Variants in KHDRBS2 observed in about 807,000 individuals in gnomAD.
KHDRBS2 encodes KH domain-containing, RNA-binding, signal transduction-associated protein 2.
Under a neutral mutation model 44.3 loss-of-function variants are expected in KHDRBS2, and 26 were observed. That is an observed-to-expected ratio of 0.59 (90% CI 0.43 to 0.81). The LOEUF (loss-of-function observed/expected upper bound fraction) is 0.81. Ranked by LOEUF, KHDRBS2 falls within the 40% of genes least tolerant of loss-of-function variation. The pLI, the probability that KHDRBS2 is intolerant of heterozygous loss-of-function variation, is 0.00. For synonymous variants in KHDRBS2, 194 were observed against 151.1 expected, an observed-to-expected ratio of 1.28 and a Z score of -2.08; for missense variants, 476 against 433.1, an observed-to-expected ratio of 1.10 and a Z score of -0.88.
At chr6:62,025,631 AT>A (rs199716609) in intron 3 of KHDRBS2, among the ~76,000 whole-genome samples, 7 of 151,656 alleles carry the variant, frequency 4.6e-5, no homozygotes, top group African/African-American at 9.7e-5. Context: ...GATTTTTCCA[AT>A]TTTTTTTAAT....
At chr6:62,211,568 GTGA>G (rs1829049048) in intron 1 of KHDRBS2, among the ~76,000 whole-genome samples, 2 of 152,150 alleles carry the variant, frequency 1.3e-5, no homozygotes, top group Admixed American at 6.5e-5. Flanking sequence ...CTAATTACTT[GTGA>G]TGATGATATT....
chr6:61,862,552 C>T (rs944273877), intron 6 of KHDRBS2, among the ~76,000 whole-genome samples: 7 of 151,986 alleles, frequency 4.6e-5, no homozygotes, highest in African/African-American at 1.5e-4. Flanking sequence ...TTACTGAAGG[C>T]CTTTTCTATA....
At chr6:61,858,550 C>T (rs1796470078) in intron 6 of KHDRBS2, among the ~76,000 whole-genome samples, 2 of 151,862 alleles carry the variant, frequency 1.3e-5, no homozygotes, top group African/African-American at 4.8e-5. Flanking sequence ...TAATTTATTG[C>T]AATATAAGAT....
At chr6:62,086,069 C>A (rs1162430293) in intron 2 of KHDRBS2, among the ~76,000 whole-genome samples, 1 of 152,106 alleles carries the variant, frequency 6.6e-6, no homozygotes. Flanking sequence ...CGTACATCAA[C>A]AATTCAACTG....
At position 61,758,648 on chromosome 6, in the gene KHDRBS2, C is replaced by G. The variant is rs538780970; in HGVS notation, c.811-25884G>C. On this transcript the variant is annotated intron_variant, in intron 6 of 8. Coordinates refer to ENST00000281156, the MANE Select transcript of KHDRBS2 (RefSeq NM_152688.4). ...TTATAATTGTACCAAATATGGCCCACAAGAGTACATAACTTTTCCAAAAAT... is the reference window on the plus strand; with the variant it reads ...TTATAATTGTACCAAATATGGCCCAGAAGAGTACATAACTTTTCCAAAAAT... Among the ~76,000 whole-genome samples, 15 of 152,064 alleles carry G rather than the reference C, an allele frequency of 9.9e-5. 1 individual carries two copies. Among genetic ancestry groups the G allele is most frequent in the African/African-American group, 3.4e-4 (14 of 41,492 alleles).
At chr6:62,033,403 G>A (rs1443333339) in intron 3 of KHDRBS2, among the ~76,000 whole-genome samples, 1 of 151,776 alleles carries the variant, frequency 6.6e-6, no homozygotes, top group Non-Finnish European at 1.5e-5. Flanking sequence ...AAGACTACCT[G>A]AAGGCATTTA....
At chr6:61,772,648 A>G (rs1466415886) in intron 6 of KHDRBS2, among the ~76,000 whole-genome samples, 1 of 151,972 alleles carries the variant, frequency 6.6e-6, no homozygotes, top group African/African-American at 2.4e-5. Context: ...ATTTTATTTT[A>G]TTTTATTATA....
intron 2 of KHDRBS2, among the ~76,000 whole-genome samples, chr6:62,081,089 G>C (rs1305645766): frequency 6.6e-6 from 1 of 152,018 alleles, no homozygotes; most frequent in Non-Finnish European, 1.5e-5. Context: ...ACCTTTGAAT[G>C]TGTCCTATTT....
chr6:61,568,732 G>C, the KHDRBS2 span, among the ~76,000 whole-genome samples: 2 of 152,164 alleles, frequency 1.3e-5, no homozygotes, highest in Non-Finnish European at 2.9e-5. Flanking sequence ...AGTAGAAGCA[G>C]CAGTGGAAAG....
chr6:61,771,571 A>C (rs1207461426), intron 6 of KHDRBS2, among the ~76,000 whole-genome samples: 1 of 152,208 alleles, frequency 6.6e-6, no homozygotes, highest in Non-Finnish European at 1.5e-5. Flanking sequence ...AAACCACCAA[A>C]GATCAAAAGA....
chr6:61,601,352 T>A, the KHDRBS2 span, among the ~76,000 whole-genome samples: 1 of 151,918 alleles, frequency 6.6e-6, no homozygotes, highest in Non-Finnish European at 1.5e-5. Flanking sequence ...CTCCTTCTTC[T>A]CCCTTAGCCT....
chr6:61,937,904 A>T (rs1811338328), intron 4 of KHDRBS2, among the ~76,000 whole-genome samples: 1 of 151,986 alleles, frequency 6.6e-6, no homozygotes, highest in Admixed American at 6.6e-5. Context: ...TGAAGATTTC[A>T]TTGTCTTACT....
Position 61,851,271 on chromosome 6 carries a change from A to ATG in KHDRBS2, c.810+43362_810+43363dup, listed in dbSNP as rs1415423069. Among the ~76,000 whole-genome samples the ATG allele has an allele frequency of 1.5e-5, 2 of 130,710 alleles. 1 individual carries two copies. The highest frequency in any genetic ancestry group is 4.4e-4 in the East Asian group (2 of 4,550). The allele number at this position is 130,710 out of a possible 152,430, so 85.8% of individuals were successfully genotyped here. On this transcript the variant is annotated intron_variant, in intron 6 of 8. Transcript: ENST00000281156. ...TGTGTGTATATAGGTGTATATATAT[A>ATG]TGTGTGTGTATATGTGTGTGTGTGT...
chr6:61,697,291 C>T (rs759868872), intron 7 of KHDRBS2, 38 bp from the exon 8 acceptor site: 34 of 1,316,056 alleles, frequency 2.6e-5, no homozygotes, highest in Non-Finnish European at 3.3e-5. Flanking sequence ...GTTACTATAA[C>T]CAGGAAATTC....
intron 1 of KHDRBS2, among the ~76,000 whole-genome samples, chr6:62,239,148 G>A (rs573372523): frequency 4.6e-5 from 7 of 152,282 alleles, no homozygotes; most frequent in African/African-American, 1.7e-4. Context: ...GGTTATCATA[G>A]TGATATTGTT....
At chr6:62,209,956 G>A (rs1218990822) in intron 1 of KHDRBS2, among the ~76,000 whole-genome samples, 4 of 152,136 alleles carry the variant, frequency 2.6e-5, no homozygotes, top group Non-Finnish European at 4.4e-5. Flanking sequence ...TTGGGACTCA[G>A]ACTAGCTTCC....
At chr6:61,979,280 C>T (rs548274359) in intron 3 of KHDRBS2, among the ~76,000 whole-genome samples, 5 of 152,024 alleles carry the variant, frequency 3.3e-5, no homozygotes, top group South Asian at 4.1e-4. Context: ...GAAAAGTTAA[C>T]ATAAATAACA....
intron 1 of KHDRBS2, among the ~76,000 whole-genome samples, chr6:62,271,716 C>CA (rs1840118672): frequency 6.7e-6 from 1 of 149,818 alleles, no homozygotes; most frequent in African/African-American, 2.5e-5. Context: ...TCTTATTTAA[C>CA]AAAAAAGTTT....
chr6:61,673,062 T>A, the KHDRBS2 span, among the ~76,000 whole-genome samples: 5 of 151,784 alleles, frequency 3.3e-5, no homozygotes, highest in Admixed American at 1.3e-4. Flanking sequence ...GCTTTCTACA[T>A]ATGGCTAGCC....
Sources: allele counts gnomAD v4.1 joint callset (sites outside exome capture counted in the v4.1 genomes callset), GRCh38; gene constraint gnomAD v4.1.1; transcripts MANE v1.5; gene names NCBI Gene and HGNC (gene_info 2026-07-23, HGNC 2026-07-21).